Variants in MDGA2 observed in about 807,000 individuals in gnomAD.
MDGA2 encodes the protein MAM domain containing glycosylphosphatidylinositol anchor 2.
In MDGA2, 40 loss-of-function variants were observed where a neutral mutation model predicts 117.8. The ratio of observed to expected loss-of-function variants is 0.34; its 90% confidence interval spans 0.26 to 0.44. The LOEUF (loss-of-function observed/expected upper bound fraction) is 0.44. MDGA2 is among the 20% of genes least tolerant of loss of function. The pLI, the probability that MDGA2 is intolerant of heterozygous loss-of-function variation, is 1.00. For synonymous variants in MDGA2, 452 were observed against 439.0 expected (o/e 1.03, Z -0.37); for missense variants, 1,123 against 1,250.6 (o/e 0.90, Z 1.54).
intron 1 of MDGA2, among the ~76,000 whole-genome samples, chr14:47,471,369 G>A (rs1405236842): frequency 6.6e-6 from 1 of 151,492 alleles, no homozygotes; most frequent in Non-Finnish European, 1.5e-5. Flanking sequence ...TTAAAAAACA[G>A]CACTTTATTT....
intron 1 of MDGA2, among the ~76,000 whole-genome samples, chr14:47,484,698 G>T (rs148572358): frequency 8.5e-5 from 13 of 152,254 alleles, no homozygotes; most frequent in Admixed American, 1.3e-4. Flanking sequence ...GAGGGACCCC[G>T]TGGGAGATGG....
chr14:47,371,265 A>G (rs960274141), intron 1 of MDGA2, among the ~76,000 whole-genome samples: 1 of 151,824 alleles, frequency 6.6e-6, no homozygotes, highest in African/African-American at 2.4e-5. Flanking sequence ...CCATTTTCAA[A>G]TGCTGATCTT....
At chr14:47,155,326 A>G (rs912107392) in intron 3 of MDGA2, among the ~76,000 whole-genome samples, 7 of 151,928 alleles carry the variant, frequency 4.6e-5, no homozygotes, top group Non-Finnish European at 7.4e-5. Context: ...GGACTGAAAC[A>G]TGCCTCCCTG....
chr14:47,041,948 G>A (rs1889085315), intron 7 of MDGA2, among the ~76,000 whole-genome samples: 1 of 151,918 alleles, frequency 6.6e-6, no homozygotes, highest in Admixed American at 6.6e-5. Context: ...TGAAACAAAA[G>A]CTATATTTCT....
At position 47,035,029 on chromosome 14, in the gene MDGA2, C is replaced by A. The variant is rs1446832811; in HGVS notation, c.1801G>T (p.Val601Leu). The A allele has an allele frequency of 1.2e-6, 2 of 1,613,314 alleles. No individual in the cohort carries two copies. Among genetic ancestry groups the A allele is most frequent in the South Asian group, 2.2e-5 (2 of 90,966 alleles). ...TACTTACACTGAACGATGAGCTGCA[C>A]CAAGGCTTCCCTTGGTTTCACGTTA... ...GFNVKPREAL[V>L]QLIVQYPPAV... The change falls in exon 8 of 17, where the codon GTG (valine) becomes TTG (leucine). Residue 601 changes from valine to leucine, a missense_variant. Physicochemically the swap from Val to Leu is conservative, Grantham distance 32 (BLOSUM62 1). Coordinates refer to ENST00000399232, the MANE Select transcript of MDGA2 (RefSeq NM_001113498.3).
At chr14:47,039,319 G>GA (rs1431766753) in intron 7 of MDGA2, among the ~76,000 whole-genome samples, 2 of 152,106 alleles carry the variant, frequency 1.3e-5, no homozygotes, top group Non-Finnish European at 2.9e-5. Context: ...TCTATTAATT[G>GA]AAAACCATAC....
chr14:47,610,380 G>A (rs989221051), intron 1 of MDGA2, among the ~76,000 whole-genome samples: 6 of 152,056 alleles, frequency 3.9e-5, no homozygotes, highest in Non-Finnish European at 7.4e-5. Context: ...AACTGTCACA[G>A]TTTGCTGATG....
intron 1 of MDGA2, among the ~76,000 whole-genome samples, chr14:47,544,262 C>A (rs969424158): frequency 2.0e-5 from 3 of 152,064 alleles, no homozygotes; most frequent in African/African-American, 7.2e-5. Context: ...TTTAAAAAAA[C>A]CATTAGCAGG....
At chr14:46,858,548 C>A (rs1881377176) in intron 14 of MDGA2, among the ~76,000 whole-genome samples, 1 of 151,724 alleles carries the variant, frequency 6.6e-6, no homozygotes, top group Non-Finnish European at 1.5e-5. Context: ...CTGCCTCAGC[C>A]TCCCGAGTAG....
At chr14:47,255,364 C>T (rs6572414) in intron 2 of MDGA2, among the ~76,000 whole-genome samples, 125,652 of 152,068 alleles carry the variant, frequency 0.83, 52,274 homozygotes, top group East Asian at 0.93. Flanking sequence ...AGGGGACTGA[C>T]TGTGTGCCTT....
At chr14:47,405,158 C>G (rs1303139594) in intron 1 of MDGA2, among the ~76,000 whole-genome samples, 1 of 152,046 alleles carries the variant, frequency 6.6e-6, no homozygotes, top group East Asian at 1.9e-4. Context: ...ACAAGAATGG[C>G]TCTATGCGGC....
At chr14:47,502,353 A>G (rs1272473384) in intron 1 of MDGA2, among the ~76,000 whole-genome samples, 1 of 152,160 alleles carries the variant, frequency 6.6e-6, no homozygotes, top group African/African-American at 2.4e-5. Flanking sequence ...CCAACAAATG[A>G]AGAAAGAATA....
rs1217916374 is a variant in MDGA2, at chr14:46,855,011, C to T, written c.2883+13G>A. The T allele has an allele frequency of 6.3e-7, 1 of 1,584,246 alleles. No individual in the cohort carries two copies. The highest frequency in any genetic ancestry group is 8.6e-7 in the Non-Finnish European group (1 of 1,168,530). On this transcript the variant is annotated intron_variant, in intron 15 of 16. Coordinates refer to ENST00000399232, the MANE Select transcript of MDGA2 (RefSeq NM_001113498.3). The surrounding 1 kb of genome is among the most constrained non-coding windows in gnomAD (Gnocchi z 4.1). ...ATTTACAGCAATTAATTAGCCAAAACTACTTTTCTTACCTGAAATGAAGTA... is the reference window on the plus strand; with the variant it reads ...ATTTACAGCAATTAATTAGCCAAAATTACTTTTCTTACCTGAAATGAAGTA...
chr14:47,422,710 A>G (rs1892604568), intron 1 of MDGA2, among the ~76,000 whole-genome samples: 1 of 152,190 alleles, frequency 6.6e-6, no homozygotes, highest in Admixed American at 6.5e-5. Context: ...TGCAAAAATA[A>G]AGTTAAAAAT....
chr14:46,893,846 C>A (rs1882975604), intron 10 of MDGA2, among the ~76,000 whole-genome samples: 1 of 151,902 alleles, frequency 6.6e-6, no homozygotes, highest in Admixed American at 6.6e-5. Context: ...ACTGTGATTT[C>A]AGCCAGTAGG....
chr14:47,301,569 G>A lies in MDGA2; in HGVS notation c.281-19C>T, dbSNP rs923306461. ...GGAGGAGCTGTCGAGTCAGGAAGAAGAGAGACAAGATACATGAAAAGGTAA... is the reference window on the plus strand; with the variant it reads ...GGAGGAGCTGTCGAGTCAGGAAGAAAAGAGACAAGATACATGAAAAGGTAA... On this transcript the variant is annotated intron_variant, in intron 1 of 16. Transcript: ENST00000399232. 1.3e-6 allele frequency: 2 copies of A among 1,551,442 alleles called. No homozygotes were observed. Among genetic ancestry groups the A allele is most frequent in the Admixed American group, 3.9e-5 (2 of 50,982 alleles).
At chr14:47,571,588 G>A (rs1455634936) in intron 1 of MDGA2, among the ~76,000 whole-genome samples, 2 of 152,118 alleles carry the variant, frequency 1.3e-5, no homozygotes, top group African/African-American at 4.8e-5. Flanking sequence ...AAAAGGATGA[G>A]TTCATGTCCT....
intron 4 of MDGA2, among the ~76,000 whole-genome samples, 173 bp downstream of exon 4, chr14:47,143,905 A>C (rs1882828217): frequency 6.6e-6 from 1 of 152,210 alleles, no homozygotes; most frequent in African/African-American, 2.4e-5. Flanking sequence ...TAACCACATA[A>C]AAATAAGTTG....
intron 1 of MDGA2, among the ~76,000 whole-genome samples, chr14:47,614,196 T>G (rs1896907771): frequency 6.6e-6 from 1 of 151,410 alleles, no homozygotes; most frequent in Non-Finnish European, 1.5e-5. Flanking sequence ...TTCAGATGGT[T>G]CTCTTGCCTC....
Sources: allele counts gnomAD v4.1 joint callset (sites outside exome capture counted in the v4.1 genomes callset), GRCh38; gene constraint gnomAD v4.1.1; non-coding constraint Gnocchi (gnomAD v3.1); transcripts MANE v1.5; gene names NCBI Gene and HGNC (gene_info 2026-07-23, HGNC 2026-07-21).